The following SLC7A14 variants were observed in gnomAD, a reference collection of about 807,000 sequenced individuals.
SLC7A14 encodes the protein gamma-aminobutyric acid transporter SLC7A14.
In SLC7A14, 37 loss-of-function variants were observed where a neutral mutation model predicts 60.2. That is an observed-to-expected ratio of 0.61 (90% CI 0.47 to 0.81). SLC7A14 has a LOEUF of 0.81. SLC7A14 is among the 30% of genes least tolerant of loss of function. SLC7A14 has a pLI of 0.00. For synonymous variants in SLC7A14, 399 were observed against 395.8 expected (o/e 1.01, Z -0.10); for missense variants, 886 against 982.7 (o/e 0.90, Z 1.32).
At chr3:170,506,829 C>T (rs773725458) in intron 2 of SLC7A14, among the ~76,000 whole-genome samples, 2 of 152,146 alleles carry the variant, frequency 1.3e-5, no homozygotes, top group Admixed American at 6.5e-5. Context: ...AAAGACCCAG[C>T]TGGGAGTAGG....
intron 1 of SLC7A14, among the ~76,000 whole-genome samples, chr3:170,528,373 T>C (rs1713573167): frequency 6.6e-6 from 1 of 152,208 alleles, no homozygotes; most frequent in Admixed American, 6.5e-5. Context: ...ATAAAAACTG[T>C]ATAAAATTTA....
At chr3:170,527,748 A>G (rs1713556170) in intron 1 of SLC7A14, among the ~76,000 whole-genome samples, 1 of 152,076 alleles carries the variant, frequency 6.6e-6, no homozygotes, top group East Asian at 1.9e-4. Flanking sequence ...GGAACCTGAG[A>G]TGTGAGTTGT....
chr3:170,504,538 C>T (rs1031949058), intron 2 of SLC7A14, among the ~76,000 whole-genome samples: 1 of 152,064 alleles, frequency 6.6e-6, no homozygotes, highest in African/African-American at 2.4e-5. Context: ...CCAGGCTGGT[C>T]TCGAAGTCCT....
intron 1 of SLC7A14, among the ~76,000 whole-genome samples, chr3:170,558,255 C>T (rs1401447369): frequency 6.6e-6 from 1 of 152,130 alleles, no homozygotes; most frequent in Non-Finnish European, 1.5e-5. Flanking sequence ...GTAATCCCAG[C>T]TGCTCAGGAG....
chr3:170,516,093 G>A (rs1713149616), intron 2 of SLC7A14, among the ~76,000 whole-genome samples: 1 of 152,128 alleles, frequency 6.6e-6, no homozygotes, highest in Non-Finnish European at 1.5e-5. Context: ...CTTTGCTGGA[G>A]GAAACTCATT....
At chr3:170,564,898 C>T (rs1049846019) in intron 1 of SLC7A14, among the ~76,000 whole-genome samples, 8 of 152,262 alleles carry the variant, frequency 5.3e-5, no homozygotes, top group African/African-American at 1.9e-4. Context: ...CTGCTTTGGG[C>T]TTTATGTAGA....
At chr3:170,517,896 G>A (rs906699409) in intron 2 of SLC7A14, among the ~76,000 whole-genome samples, 1 of 152,210 alleles carries the variant, frequency 6.6e-6, no homozygotes, top group Non-Finnish European at 1.5e-5. Flanking sequence ...ATTGCTCAGT[G>A]TGATGACCCT....
chr3:170,471,035 G>A (rs1444354966), intron 7 of SLC7A14, among the ~76,000 whole-genome samples: 1 of 151,822 alleles, frequency 6.6e-6, no homozygotes, highest in Admixed American at 6.6e-5. Context: ...AGCTCAAAAT[G>A]TTACACAAAC....
chr3:170,542,713 A>G (rs1487087019), intron 1 of SLC7A14, among the ~76,000 whole-genome samples: 4 of 152,168 alleles, frequency 2.6e-5, no homozygotes. Flanking sequence ...GTTGACGGTG[A>G]CCTCATATCA....
chr3:170,495,863 G>A (rs1011752922), intron 4 of SLC7A14: 1 of 1,259,380 alleles, frequency 7.9e-7, no homozygotes, highest in African/African-American at 1.5e-5. Flanking sequence ...AGAGCTACAT[G>A]AACAACCTTA....
At chr3:170,524,043 A>G (rs548486741) in intron 2 of SLC7A14, among the ~76,000 whole-genome samples, 1 of 152,256 alleles carries the variant, frequency 6.6e-6, no homozygotes, top group African/African-American at 2.4e-5. Context: ...TGTGGAGAGG[A>G]GGAATCCTGT....
chr3:170,564,230 G>A (rs889589865), intron 1 of SLC7A14, among the ~76,000 whole-genome samples: 6 of 152,168 alleles, frequency 3.9e-5, no homozygotes, highest in Admixed American at 2.0e-4. Context: ...GGTCCTCACT[G>A]GAGAACAGAA....
chr3:170,520,388 A>T (rs1182662986), intron 2 of SLC7A14, among the ~76,000 whole-genome samples: 1 of 152,218 alleles, frequency 6.6e-6, no homozygotes, highest in Non-Finnish European at 1.5e-5. Flanking sequence ...TATGACTATT[A>T]TTGCCATAGT....
chr3:170,499,466 G>A (rs1260406329), intron 3 of SLC7A14, among the ~76,000 whole-genome samples: 2 of 151,954 alleles, frequency 1.3e-5, no homozygotes, highest in African/African-American at 4.8e-5. Flanking sequence ...TGAAACCATG[G>A]CACAGAACAT....
At chr3:170,506,075 T>C (rs897390234) in intron 2 of SLC7A14, among the ~76,000 whole-genome samples, 1 of 152,232 alleles carries the variant, frequency 6.6e-6, no homozygotes, top group East Asian at 1.9e-4. Context: ...AAAGTACTTA[T>C]TGATATAGCT....
At chr3:170,537,080 C>T (rs1713870988) in intron 1 of SLC7A14, among the ~76,000 whole-genome samples, 1 of 152,154 alleles carries the variant, frequency 6.6e-6, no homozygotes, top group Admixed American at 6.5e-5. Flanking sequence ...CACACAATTC[C>T]CTCTTGTATT....
intron 1 of SLC7A14, among the ~76,000 whole-genome samples, chr3:170,528,092 G>C (rs996208045): frequency 1.1e-4 from 16 of 152,136 alleles, no homozygotes; most frequent in African/African-American, 3.1e-4. Context: ...GCACGTTTGC[G>C]GTGATTTTTC....
At chr3:170,541,015 G>T (rs563786162) in intron 1 of SLC7A14, among the ~76,000 whole-genome samples, 1 of 152,016 alleles carries the variant, frequency 6.6e-6, no homozygotes, top group Admixed American at 6.6e-5. Context: ...ACATGGCAAA[G>T]GTTAAAAAAA....
chr3:170,511,393 G>A (rs748579243), intron 2 of SLC7A14, among the ~76,000 whole-genome samples: 9 of 150,940 alleles, frequency 6.0e-5, no homozygotes, highest in East Asian at 1.9e-4. Context: ...GCGAAACTCC[G>A]TCTTAAAAAA....
Sources: allele counts gnomAD v4.1 joint callset (sites outside exome capture counted in the v4.1 genomes callset), GRCh38; gene constraint gnomAD v4.1.1; transcripts MANE v1.5; gene names NCBI Gene and HGNC (gene_info 2026-07-23, HGNC 2026-07-21).